The following UBXN7 variants were observed in gnomAD, a reference collection of about 807,000 sequenced individuals.
UBXN7 encodes UBX domain-containing protein 7.
UBXN7 carries 9 observed loss-of-function variants against 58.0 expected under a neutral mutation model. The observed-to-expected ratio is 0.16, with a 90% CI of 0.09 to 0.27. The LOEUF is 0.27. Ranked by LOEUF, UBXN7 falls within the 10% of genes least tolerant of loss-of-function variation. The probability of loss-of-function intolerance (pLI) is 1.00; values close to 1 mark genes in which losing one functional copy is unlikely to be tolerated. For synonymous variants in UBXN7, 208 were observed against 205.0 expected, an observed-to-expected ratio of 1.01 and a Z score of -0.12; for missense variants, 328 against 599.6, an observed-to-expected ratio of 0.55 and a Z score of 4.73.
chr3:196,414,816 C>G (rs772882146), intron 1 of UBXN7: 19 of 152,184 alleles, frequency 1.2e-4, no homozygotes, highest in Admixed American at 8.5e-4. Flanking sequence ...ATCCCAGTTA[C>G]ATTCTTCCTA....
intron 1 of UBXN7, among the ~76,000 whole-genome samples, chr3:196,416,623 C>G (rs1398340872): frequency 6.6e-6 from 1 of 152,046 alleles, no homozygotes; most frequent in East Asian, 1.9e-4. Context: ...GCAGGCCTGT[C>G]AACATTTTAG....
At chr3:196,393,782 AT>A (rs34500541) in intron 3 of UBXN7, 163 bp from the exon 4 acceptor site, 1 of 538,392 alleles carries the variant, frequency 1.9e-6, no homozygotes, top group African/African-American at 1.9e-5. Context: ...TCTCGTTCCA[AT>A]TTTAGTAAAT....
At chr3:196,388,702 T>C (rs925540495) in intron 5 of UBXN7, among the ~76,000 whole-genome samples, 7 of 152,186 alleles carry the variant, frequency 4.6e-5, no homozygotes, top group African/African-American at 1.2e-4. Flanking sequence ...TTACATCTAA[T>C]ATGAGGAACA....
rs939681092 is a variant in UBXN7, at chr3:196,365,498, G to A, written c.834+2530C>T. On this transcript the variant is annotated intron_variant, in intron 8 of 10. Transcript: ENST00000296328. ...TATGATCATAGCACACTACATTCCTGAACTCCTGGGCTCAAGCAATATTCC... is the reference window on the plus strand; with the variant it reads ...TATGATCATAGCACACTACATTCCTAAACTCCTGGGCTCAAGCAATATTCC... Among the ~76,000 whole-genome samples, 6 of 152,106 alleles carry A rather than the reference G, an allele frequency of 3.9e-5. No homozygotes were observed. In the East Asian group the frequency reaches 1.2e-3, roughly 29 times the overall value.
intron 5 of UBXN7, among the ~76,000 whole-genome samples, chr3:196,386,380 TAAAAAAAA>T (rs34268326): frequency 8.7e-5 from 5 of 57,726 alleles, no homozygotes; most frequent in South Asian, 7.1e-4. Context: ...TAATAAACAC[TAAAAAAAA>T]AAAAAAAAAA....
At chr3:196,394,286 CAAAA>C (rs34194652) in intron 3 of UBXN7, among the ~76,000 whole-genome samples, 1 of 88,198 alleles carries the variant, frequency 1.1e-5, no homozygotes. Flanking sequence ...AACTCCATCT[CAAAA>C]AAAAAAAAAA....
chr3:196,412,243 A>AAAAAAG (rs1730354141), intron 1 of UBXN7, among the ~76,000 whole-genome samples: 1 of 107,476 alleles, frequency 9.3e-6, no homozygotes, highest in African/African-American at 3.2e-5. Flanking sequence ...AAAAAAAAAA[A>AAAAAAG]AAAAAAGAAA....
chr3:196,372,189 C>T (rs1479702712), intron 5 of UBXN7, 147 bp from the exon 6 acceptor site: 2 of 820,670 alleles, frequency 2.4e-6, no homozygotes, highest in Non-Finnish European at 3.6e-6. Context: ...TTTATACATT[C>T]TATATATTTA....
At chr3:196,403,164 G>A (rs1313534690) in intron 2 of UBXN7, 145 bp from the exon 3 acceptor site, 3 of 831,866 alleles carry the variant, frequency 3.6e-6, no homozygotes, top group African/African-American at 3.6e-5. Context: ...CTATTTTTTT[G>A]GGGGGGCGGT....
At chr3:196,383,009 G>A (rs1020413268) in intron 5 of UBXN7, among the ~76,000 whole-genome samples, 5 of 151,662 alleles carry the variant, frequency 3.3e-5, no homozygotes, top group African/African-American at 7.3e-5. Flanking sequence ...CCAGCTACTC[G>A]AGAGGCTGAG....
intron 5 of UBXN7, among the ~76,000 whole-genome samples, chr3:196,382,859 T>C (rs1729248438): frequency 6.6e-6 from 1 of 152,154 alleles, no homozygotes; most frequent in Non-Finnish European, 1.5e-5. Flanking sequence ...CTCATGCCTG[T>C]AATCCCAGCA....
At chr3:196,385,717 C>A (rs922592837) in intron 5 of UBXN7, among the ~76,000 whole-genome samples, 1 of 149,750 alleles carries the variant, frequency 6.7e-6, no homozygotes, top group Non-Finnish European at 1.5e-5. Context: ...AAGTGAGGAG[C>A]CCCTACGCCC....
At chr3:196,423,495 C>A in intron 1 of UBXN7, 2 of 218,514 alleles carry the variant, frequency 9.2e-6, no homozygotes, top group South Asian at 9.6e-5. Flanking sequence ...TTGTTCCCCT[C>A]CTGCCTGACC....
At chr3:196,393,772 T>C (rs1021041634) in intron 3 of UBXN7, 153 bp from the exon 4 acceptor site, 15 of 599,618 alleles carry the variant, frequency 2.5e-5, no homozygotes, top group Non-Finnish European at 3.9e-5. Flanking sequence ...CTAATCTCTG[T>C]CTCGTTCCAA....
rs1466037838 is a variant in UBXN7, at chr3:196,349,782, T to C, written c.*6903A>G. 2 of 152,230 alleles carry C rather than the reference T, an allele frequency of 1.3e-5. No homozygotes were observed. Among genetic ancestry groups the C allele is most frequent in the Non-Finnish European group, 2.9e-5 (2 of 68,038 alleles). The allele number at this position is 152,230 out of a possible 1,614,324, so 9.4% of individuals were successfully genotyped here. ...CAATTCCAGGTCAGAATTTATCTAA[T>C]GATTTGATATGTTTCCCATTTATCA... On this transcript the variant is annotated 3_prime_UTR_variant, in exon 11 of 11. Coordinates refer to ENST00000296328, the MANE Select transcript of UBXN7 (RefSeq NM_015562.2).
chr3:196,411,717 A>G (rs995661618), intron 1 of UBXN7, among the ~76,000 whole-genome samples: 3 of 152,040 alleles, frequency 2.0e-5, no homozygotes, highest in African/African-American at 7.2e-5. Context: ...AGGCTGAGAC[A>G]GGAGAATCGC....
chr3:196,365,500 A>G (rs961974773), intron 8 of UBXN7, among the ~76,000 whole-genome samples: 2 of 152,010 alleles, frequency 1.3e-5, no homozygotes, highest in African/African-American at 4.8e-5. Flanking sequence ...ACATTCCTGA[A>G]CTCCTGGGCT....
At chr3:196,417,045 G>T (rs149357628) in intron 1 of UBXN7, among the ~76,000 whole-genome samples, 1 of 152,198 alleles carries the variant, frequency 6.6e-6, no homozygotes, top group South Asian at 2.1e-4. Context: ...CAGGCGCGGC[G>T]GCTCACGCCT....
intron 8 of UBXN7, 74 bp from the exon 9 acceptor site, chr3:196,362,761 TA>T: frequency 6.7e-7 from 1 of 1,496,844 alleles, no homozygotes; most frequent in Non-Finnish European, 8.9e-7. Context: ...GCATAAGAAA[TA>T]TAATAGCTTG....
Sources: allele counts gnomAD v4.1 joint callset (sites outside exome capture counted in the v4.1 genomes callset), GRCh38; gene constraint gnomAD v4.1.1; transcripts MANE v1.5; gene names NCBI Gene and HGNC (gene_info 2026-07-23, HGNC 2026-07-21).